The following SUPT3H variants were observed in gnomAD, a reference collection of about 807,000 sequenced individuals.
SUPT3H encodes SPT3 homolog, SAGA and STAGA complex component.
SUPT3H carries 44 observed loss-of-function variants against 44.3 expected under a neutral mutation model. The ratio of observed to expected loss-of-function variants is 0.99; its 90% CI spans 0.78 to 1.28. The LOEUF is 1.28. Among genes scored for constraint, SUPT3H ranks in the 50% most tolerant of loss-of-function variants. SUPT3H has a pLI of 0.00. For synonymous variants in SUPT3H, 124 were observed against 125.6 expected, an observed-to-expected ratio of 0.99 and a Z score of 0.09; for missense variants, 380 against 387.1, an observed-to-expected ratio of 0.98 and a Z score of 0.15.
chr6:45,292,623 G>A (rs537675538), intron 2 of SUPT3H, among the ~76,000 whole-genome samples: 171 of 151,336 alleles, frequency 1.1e-3, no homozygotes, highest in Non-Finnish European at 1.7e-3. Flanking sequence ...ACAAACTTAA[G>A]GCAGAGGGGT....
chr6:45,194,085 C>G (rs1362015739), intron 2 of SUPT3H, among the ~76,000 whole-genome samples: 1 of 152,068 alleles, frequency 6.6e-6, no homozygotes, highest in East Asian at 1.9e-4. Flanking sequence ...TATTAGCAGG[C>G]CTTTACACGG....
rs182009197 is a variant in SUPT3H, at chr6:44,988,064, T to C, written c.504+15589A>G. ...GTGTTCTGCTACTGAGGAATAGACA[T>C]AATATAGCTATGAAATGGGCAAAGA... On this transcript the variant is annotated intron_variant, in intron 6 of 10. Coordinates refer to ENST00000371459, the MANE Select transcript of SUPT3H (RefSeq NM_003599.4). Among the ~76,000 whole-genome samples the C allele has an allele frequency of 2.6e-3, 392 of 152,172 alleles. 1 individual carries two copies. Among genetic ancestry groups the C allele is most frequent in the Middle Eastern group, 0.01 (3 of 294 alleles).
chr6:44,969,416 TTA>T (rs1777243923), intron 6 of SUPT3H, among the ~76,000 whole-genome samples: 1 of 152,116 alleles, frequency 6.6e-6, no homozygotes, highest in African/African-American at 2.4e-5. Context: ...ATTTTTTTTT[TTA>T]ACAGTGAATT....
intron 2 of SUPT3H, among the ~76,000 whole-genome samples, chr6:45,240,453 T>G (rs953667489): frequency 6.6e-6 from 1 of 152,214 alleles, no homozygotes; most frequent in Admixed American, 6.5e-5. Flanking sequence ...CATATACACA[T>G]GCTTTCTGGT....
chr6:44,997,734 T>C (rs1434768820), intron 6 of SUPT3H, among the ~76,000 whole-genome samples: 1 of 151,648 alleles, frequency 6.6e-6, no homozygotes, highest in Non-Finnish European at 1.5e-5. Context: ...TTGACAGAAC[T>C]CTTAATATTT....
intron 7 of SUPT3H, chr6:44,955,650 C>A (rs1304750695): frequency 1.3e-5 from 2 of 152,214 alleles, no homozygotes; most frequent in African/African-American, 4.8e-5. Context: ...ATCCTATACT[C>A]TCACTTATAA....
intron 2 of SUPT3H, among the ~76,000 whole-genome samples, chr6:45,280,271 G>T (rs1335570119): frequency 6.6e-6 from 1 of 152,108 alleles, no homozygotes; most frequent in African/African-American, 2.4e-5. Flanking sequence ...GAAGGCTGAG[G>T]TGGGTGTATC....
chr6:45,072,347 T>G (rs1034522590), intron 3 of SUPT3H, among the ~76,000 whole-genome samples: 8 of 152,180 alleles, frequency 5.3e-5, no homozygotes, highest in Non-Finnish European at 1.0e-4. Context: ...TTCTTTTCAG[T>G]GCCACTCAAA....
chr6:45,112,710 G>A (rs1800249034), intron 2 of SUPT3H, among the ~76,000 whole-genome samples: 1 of 152,202 alleles, frequency 6.6e-6, no homozygotes, highest in African/African-American at 2.4e-5. Context: ...AAGGGGATAA[G>A]TTTGGTGATG....
intron 2 of SUPT3H, among the ~76,000 whole-genome samples, chr6:45,218,918 T>C (rs1765536506): frequency 6.6e-6 from 1 of 152,068 alleles, no homozygotes; most frequent in South Asian, 2.1e-4. Context: ...TAAATCAATA[T>C]AGAACATGTT....
At chr6:45,057,362 G>A (rs1261230519) in intron 3 of SUPT3H, among the ~76,000 whole-genome samples, 1 of 151,848 alleles carries the variant, frequency 6.6e-6, no homozygotes, top group East Asian at 1.9e-4. Context: ...ATTAAATAAA[G>A]CAATGTTTCC....
chr6:44,828,188 T>TTAA lies in SUPT3H; in HGVS notation c.*1627_*1628insTTA, dbSNP rs1767981271. Among the ~76,000 whole-genome samples the TTAA allele has an allele frequency of 3.8e-5, 2 of 52,326 alleles. No homozygotes were observed. The highest frequency in any genetic ancestry group is 1.2e-4 in the African/African-American group (2 of 17,314). 34.3% of individuals were successfully genotyped at this position (52,326 alleles called of 152,430 possible). A position where few individuals can be genotyped will look rare whatever the true frequency, so the allele number is the denominator to read the frequency against. On this transcript the variant is annotated 3_prime_UTR_variant, in exon 11 of 11. Coordinates refer to ENST00000371459, the MANE Select transcript of SUPT3H (RefSeq NM_003599.4). ...ACAATAAATGCTATCGTTTAAAAGT[T>TTAA]AAGTTAAGTTAGGATGTTTACTGCA...
At chr6:44,950,913 T>C (rs568643934) in intron 9 of SUPT3H, among the ~76,000 whole-genome samples, 62 of 151,782 alleles carry the variant, frequency 4.1e-4, no homozygotes, top group Non-Finnish European at 8.1e-4. Flanking sequence ...AGGTTAGTTA[T>C]ACCATTTGGA....
rs143088845 is a variant in SUPT3H at position 44,939,162 on chromosome 6, G to A, written c.802-6399C>T. 6.7e-3 allele frequency among the ~76,000 whole-genome samples: 1,027 copies of A among 152,180 alleles called. 10 individuals carry two copies. Among genetic ancestry groups the A allele is most frequent in the Non-Finnish European group, 8.5e-3 (577 of 67,970 alleles). ...TCTTGTTACAGTTCTTTGAGGGAACGCTTTCAACTTTTTCCACTTCAGTAT... is the reference window on the plus strand; with the variant it reads ...TCTTGTTACAGTTCTTTGAGGGAACACTTTCAACTTTTTCCACTTCAGTAT... On this transcript the variant is annotated intron_variant, in intron 9 of 10. Transcript: ENST00000371459.
At chr6:45,122,643 T>A (rs1397655319) in intron 2 of SUPT3H, among the ~76,000 whole-genome samples, 3 of 152,056 alleles carry the variant, frequency 2.0e-5, no homozygotes, top group Non-Finnish European at 1.5e-5. Context: ...ACACCAAAAA[T>A]AGAAGACAGA....
chr6:45,324,926 C>A (rs1786118486), intron 2 of SUPT3H, among the ~76,000 whole-genome samples: 1 of 151,840 alleles, frequency 6.6e-6, no homozygotes, highest in South Asian at 2.1e-4. Flanking sequence ...TGGAATACTG[C>A]ACAGTCACCA....
intron 5 of SUPT3H, among the ~76,000 whole-genome samples, chr6:45,012,097 GTTTT>G (rs369337555): frequency 7.4e-6 from 1 of 134,368 alleles, no homozygotes; most frequent in Admixed American, 7.4e-5. Context: ...TTTTTTGTCT[GTTTT>G]TTTTTTTCCC....
intron 3 of SUPT3H, among the ~76,000 whole-genome samples, chr6:45,080,307 G>A (rs1426467353): frequency 6.6e-6 from 1 of 152,180 alleles, no homozygotes; most frequent in Non-Finnish European, 1.5e-5. Context: ...TGGTGAGAAT[G>A]TGGAGGAAAG....
At chr6:44,848,822 T>C (rs995848936) in intron 10 of SUPT3H, among the ~76,000 whole-genome samples, 4 of 152,194 alleles carry the variant, frequency 2.6e-5, no homozygotes, top group Non-Finnish European at 4.4e-5. Flanking sequence ...AATTTCGTGG[T>C]TCAATGACAG....
Sources: allele counts gnomAD v4.1 joint callset (sites outside exome capture counted in the v4.1 genomes callset), GRCh38; gene constraint gnomAD v4.1.1; transcripts MANE v1.5; gene names NCBI Gene and HGNC (gene_info 2026-07-23, HGNC 2026-07-21).